The following CTNND2 variants were observed in gnomAD, a reference collection of about 807,000 sequenced individuals.
The protein encoded by CTNND2 is catenin delta-2.
CTNND2 carries 22 observed loss-of-function variants against 144.4 expected under a neutral mutation model. The ratio of observed to expected loss-of-function variants is 0.15; its 90% CI spans 0.11 to 0.22. The LOEUF is 0.22. Ranked by LOEUF, CTNND2 falls within the 10% of genes least tolerant of loss-of-function variation. The pLI is 1.00. For synonymous variants in CTNND2, 751 were observed against 695.6 expected, an observed-to-expected ratio of 1.08 and a Z score of -1.25; for missense variants, 1,353 against 1,618.8, an observed-to-expected ratio of 0.84 and a Z score of 2.82.
chr5:11,071,892 G>A (rs1748356437), intron 16 of CTNND2, among the ~76,000 whole-genome samples: 1 of 152,158 alleles, frequency 6.6e-6, no homozygotes, highest in Non-Finnish European at 1.5e-5. Flanking sequence ...AGGAAGAAAA[G>A]AAAACAAGGA....
intron 2 of CTNND2, among the ~76,000 whole-genome samples, chr5:11,656,222 C>T (rs1012811689): frequency 6.6e-6 from 1 of 151,918 alleles, no homozygotes; most frequent in Non-Finnish European, 1.5e-5. Flanking sequence ...TTCATATATA[C>T]GTTACCTAGA....
At chr5:11,044,913 A>C (rs924416595) in intron 16 of CTNND2, among the ~76,000 whole-genome samples, 7 of 152,266 alleles carry the variant, frequency 4.6e-5, no homozygotes, top group Non-Finnish European at 1.0e-4. Flanking sequence ...ACCACTGGGG[A>C]CCCTGAGGGC....
chr5:11,777,391 T>A (rs1790316511), intron 1 of CTNND2, among the ~76,000 whole-genome samples: 1 of 152,256 alleles, frequency 6.6e-6, no homozygotes, highest in Non-Finnish European at 1.5e-5. Context: ...ACCTTAGTAT[T>A]TCATAAGTCA....
At chr5:11,868,311 C>G (rs1246235054) in intron 1 of CTNND2, among the ~76,000 whole-genome samples, 1 of 152,054 alleles carries the variant, frequency 6.6e-6, no homozygotes, top group Admixed American at 6.5e-5. Flanking sequence ...ATAGGGCAGT[C>G]TGATGTGGGA....
chr5:11,851,628 T>A (rs982080590), intron 1 of CTNND2, among the ~76,000 whole-genome samples: 1 of 152,230 alleles, frequency 6.6e-6, no homozygotes, highest in Admixed American at 6.5e-5. Flanking sequence ...TTCACAGAAG[T>A]GCTGGATTCC....
chr5:11,672,742 T>C (rs1305922133), intron 2 of CTNND2, among the ~76,000 whole-genome samples: 1 of 152,040 alleles, frequency 6.6e-6, no homozygotes, highest in Non-Finnish European at 1.5e-5. Context: ...AGCCAGGTAC[T>C]GGAGGGAGTC....
chr5:11,767,391 A>G (rs564160970), intron 1 of CTNND2, among the ~76,000 whole-genome samples: 19 of 152,264 alleles, frequency 1.2e-4, no homozygotes, highest in African/African-American at 4.3e-4. Flanking sequence ...CTGTTCATAT[A>G]CACCCACTGC....
intron 3 of CTNND2, among the ~76,000 whole-genome samples, chr5:11,477,086 CTG>C (rs2149967014): frequency 6.6e-6 from 1 of 152,330 alleles, no homozygotes; most frequent in African/African-American, 2.4e-5. Context: ...AAGAATGAGA[CTG>C]TGTTGATTGT....
At position 11,767,986 on chromosome 5, in the gene CTNND2, A is replaced by G. The variant is rs111398043; in HGVS notation, c.38-35714T>C. ...TCACTAAATTCTTAACTGTAATACA[A>G]AAATTCTAGGTTGAAACAACAAACT... On this transcript the variant is annotated intron_variant, in intron 1 of 21. Coordinates refer to ENST00000304623, the MANE Select transcript of CTNND2 (RefSeq NM_001332.4). Among the ~76,000 whole-genome samples, 472 of 152,318 alleles carry G rather than the reference A, an allele frequency of 3.1e-3. 2 individuals are homozygous for G. The highest frequency in any genetic ancestry group is 4.1e-3 in the Non-Finnish European group (278 of 68,024).
chr5:11,714,965 G>A (rs563533696), intron 2 of CTNND2, among the ~76,000 whole-genome samples: 5 of 151,642 alleles, frequency 3.3e-5, no homozygotes, highest in Middle Eastern at 3.4e-3. Flanking sequence ...GAAAATGTAC[G>A]TGTATTGCGA....
chr5:11,349,075 G>A (rs1418431702), intron 8 of CTNND2, among the ~76,000 whole-genome samples: 1 of 152,084 alleles, frequency 6.6e-6, no homozygotes, highest in Non-Finnish European at 1.5e-5. Context: ...CAGATTTACC[G>A]AGCTCTCCAA....
intron 18 of CTNND2, among the ~76,000 whole-genome samples, chr5:11,006,619 T>C (rs1161409471): frequency 6.6e-6 from 1 of 152,210 alleles, no homozygotes; most frequent in African/African-American, 2.4e-5. Context: ...ATGAGACTCG[T>C]TGGATGCTCC....
intron 3 of CTNND2, among the ~76,000 whole-genome samples, chr5:11,432,488 G>A: frequency 6.6e-6 from 1 of 152,134 alleles, no homozygotes; most frequent in East Asian, 1.9e-4. Context: ...ATTTAATTCA[G>A]TTTCATATTC....
In CTNND2 at chr5:11,128,920, A is replaced by G. The variant is rs1193783748; in HGVS notation, c.2160-11353T>C. The stretch of plus-strand genomic sequence containing the variant: ...TTACATATATAAATATATATAATAT[A>G]TAATACATAAATATATATATTATAT... On this transcript the variant is annotated intron_variant, in intron 12 of 21. Coordinates refer to ENST00000304623, the MANE Select transcript of CTNND2 (RefSeq NM_001332.4). 1.2e-4 allele frequency among the ~76,000 whole-genome samples: 7 copies of G among 60,096 alleles called. 1 individual carries two copies. Among genetic ancestry groups the G allele is most frequent in the African/African-American group, 3.9e-4 (7 of 17,788 alleles). The allele number at this position is 60,096 out of a possible 152,430, so 39.4% of individuals were successfully genotyped here. A position where few individuals can be genotyped will look rare whatever the true frequency, so the allele number is the denominator to read the frequency against.
chr5:11,269,729 T>C (rs1458528523), intron 9 of CTNND2, among the ~76,000 whole-genome samples: 1 of 152,158 alleles, frequency 6.6e-6, no homozygotes, highest in Non-Finnish European at 1.5e-5. Context: ...AGAGTTCCTC[T>C]CCAGACTTGT....
intron 6 of CTNND2, among the ~76,000 whole-genome samples, chr5:11,392,991 C>T (rs61749815): frequency 6.6e-6 from 1 of 152,166 alleles, no homozygotes; most frequent in Non-Finnish European, 1.5e-5. Context: ...TTCAACTTCC[C>T]CTTCCCCTCA....
chr5:11,616,435 G>C (rs1046436361), intron 2 of CTNND2, among the ~76,000 whole-genome samples: 2 of 152,082 alleles, frequency 1.3e-5, no homozygotes, highest in Non-Finnish European at 1.5e-5. Flanking sequence ...GTATCTGATG[G>C]TTAACTACAC....
At chr5:11,765,091 T>C (rs1789504947) in intron 1 of CTNND2, among the ~76,000 whole-genome samples, 1 of 141,512 alleles carries the variant, frequency 7.1e-6, no homozygotes, top group Non-Finnish European at 1.5e-5. Flanking sequence ...TGAGCCTCTA[T>C]TTGATGCATT....
intron 1 of CTNND2, among the ~76,000 whole-genome samples, chr5:11,824,223 T>A (rs1267208871): frequency 6.6e-6 from 1 of 152,010 alleles, no homozygotes; most frequent in African/African-American, 2.4e-5. Context: ...ACTAAGTGAG[T>A]TATACATAAA....
Sources: gnomAD v4.1 joint callset for allele counts (sites outside exome capture counted in the v4.1 genomes callset) on GRCh38, gnomAD v4.1.1 for gene constraint, MANE v1.5 for transcripts, NCBI Gene and HGNC (gene_info 2026-07-23, HGNC 2026-07-21) for gene names.